ZFHX3: variants seen among roughly 807,000 people sequenced by gnomAD.
The protein encoded by ZFHX3 is zinc finger homeobox protein 3.
ZFHX3 carries 42 observed loss-of-function variants against 279.1 expected under a neutral mutation model. The ratio of observed to expected loss-of-function variants is 0.15; its 90% CI spans 0.12 to 0.19. The LOEUF (loss-of-function observed/expected upper bound fraction) is 0.19, where lower values mean the gene tolerates loss of function less well. Among genes scored for constraint, ZFHX3 ranks in the 10% least tolerant of loss-of-function variants. The pLI, the probability that ZFHX3 is intolerant of heterozygous loss-of-function variation, is 1.00. For synonymous variants in ZFHX3, 2,293 were observed against 1,957.8 expected (o/e 1.17, Z -4.52); for missense variants, 4,981 against 4,754.0 (o/e 1.05, Z -1.40).
At chr16:73,716,819 C>A (rs2053420813) in intron 1 of ZFHX3, among the ~76,000 whole-genome samples, 1 of 152,068 alleles carries the variant, frequency 6.6e-6, no homozygotes, top group Non-Finnish European at 1.5e-5. Context: ...ATAATAGGTA[C>A]AGAGATGCCT....
chr16:73,080,279 T>C (rs1034060201), intron 8 of ZFHX3, among the ~76,000 whole-genome samples: 12 of 152,214 alleles, frequency 7.9e-5, no homozygotes, highest in African/African-American at 2.9e-4. Flanking sequence ...GTGTGGCTCA[T>C]GGAGCTCCTA....
chr16:73,576,115 CA>C (rs961927038), intron 2 of ZFHX3, among the ~76,000 whole-genome samples: 6 of 152,056 alleles, frequency 3.9e-5, no homozygotes, highest in African/African-American at 1.4e-4. Context: ...GCATGGCACC[CA>C]CTGGGAAGAA....
chr16:73,218,323 C>T (rs1030793504), intron 5 of ZFHX3, among the ~76,000 whole-genome samples: 2 of 152,074 alleles, frequency 1.3e-5, no homozygotes, highest in Non-Finnish European at 1.5e-5. Context: ...AACAGAGATG[C>T]GATGATTAGT....
At chr16:73,611,071 G>T (rs1567532747) in intron 2 of ZFHX3, among the ~76,000 whole-genome samples, 1 of 152,206 alleles carries the variant, frequency 6.6e-6, no homozygotes, top group Non-Finnish European at 1.5e-5. Flanking sequence ...CATAAATCCA[G>T]ATTAAACCTT....
At chr16:73,041,863 G>T (rs1320551343) in intron 1 of ZFHX3, among the ~76,000 whole-genome samples, 1 of 152,240 alleles carries the variant, frequency 6.6e-6, no homozygotes, top group Admixed American at 6.5e-5. Context: ...ATTTTAGGAA[G>T]CAGGGCCTTA....
chr16:73,462,720 T>C lies in ZFHX3; in HGVS notation c.-1546-6462A>G, dbSNP rs150873356. Among the ~76,000 whole-genome samples, 100 of 152,298 alleles carry C rather than the reference T, an allele frequency of 6.6e-4. No individual in the cohort carries two copies. In the East Asian group the frequency reaches 0.019, roughly 29 times the overall value. ...CTGTTAATATGGTGGATTATATTGA[T>C]TGATTTTTCAATATCTAACCAGTCT... On this transcript the variant is annotated intron_variant, in intron 2 of 17. Transcript: ENST00000641206.
chr16:73,424,790 A>G (rs1175610724), intron 3 of ZFHX3, among the ~76,000 whole-genome samples: 1 of 151,630 alleles, frequency 6.6e-6, no homozygotes, highest in Non-Finnish European at 1.5e-5. Flanking sequence ...GAAAGAAAAG[A>G]AAAAAAAGAA....
intron 7 of ZFHX3, among the ~76,000 whole-genome samples, chr16:72,800,750 C>T (rs2036073752): frequency 6.6e-6 from 1 of 152,158 alleles, no homozygotes; most frequent in Non-Finnish European, 1.5e-5. Context: ...TTTTTTGTGA[C>T]TCACTTAAGC....
chr16:73,159,614 G>A (rs1474646245), intron 5 of ZFHX3, among the ~76,000 whole-genome samples: 1 of 152,116 alleles, frequency 6.6e-6, no homozygotes, highest in South Asian at 2.1e-4. Context: ...ACTCAGACTC[G>A]GAGAATGGCC....
At chr16:73,188,237 C>G (rs1967958502) in intron 5 of ZFHX3, among the ~76,000 whole-genome samples, 1 of 152,064 alleles carries the variant, frequency 6.6e-6, no homozygotes, top group South Asian at 2.1e-4. Flanking sequence ...CTCTGTCACC[C>G]AGGCTGGAGT....
chr16:73,365,406 C>T (rs570237339), intron 3 of ZFHX3, among the ~76,000 whole-genome samples: 1 of 152,316 alleles, frequency 6.6e-6, no homozygotes, highest in South Asian at 2.1e-4. Context: ...TGAGTCTAGA[C>T]ATTGCTGGGG....
intron 3 of ZFHX3, among the ~76,000 whole-genome samples, chr16:73,381,848 G>A (rs189024314): frequency 7.2e-5 from 11 of 152,296 alleles, no homozygotes; most frequent in Admixed American, 2.0e-4. Flanking sequence ...GTGACAGGCC[G>A]CATTCAAAGC....
chr16:73,066,907 G>A (rs376438755), intron 8 of ZFHX3, among the ~76,000 whole-genome samples: 6 of 152,200 alleles, frequency 3.9e-5, no homozygotes, highest in African/African-American at 1.4e-4. Flanking sequence ...TGAGAGCACT[G>A]AGATGGGGAC....
intron 1 of ZFHX3, among the ~76,000 whole-genome samples, chr16:73,883,907 T>C (rs2142416008): frequency 1.3e-5 from 2 of 152,210 alleles, no homozygotes; most frequent in Middle Eastern, 6.8e-3. Flanking sequence ...AGCTACAATT[T>C]TGATCAGAAG....
chr16:72,901,308 C>T (rs1349096096), intron 3 of ZFHX3, among the ~76,000 whole-genome samples: 1 of 152,190 alleles, frequency 6.6e-6, no homozygotes, highest in Non-Finnish European at 1.5e-5. Context: ...AAAACTCCTC[C>T]CATGCTCTTC....
intron 4 of ZFHX3, among the ~76,000 whole-genome samples, chr16:72,878,596 G>A (rs750495436): frequency 6.6e-5 from 10 of 152,242 alleles, no homozygotes; most frequent in Non-Finnish European, 1.2e-4. Flanking sequence ...TTTGCTCACC[G>A]CAGTCTTAGG....
chr16:73,381,003 G>T (rs993978892), intron 3 of ZFHX3, among the ~76,000 whole-genome samples: 5 of 152,024 alleles, frequency 3.3e-5, no homozygotes, highest in Non-Finnish European at 5.9e-5. Flanking sequence ...ATCTTCCTTA[G>T]AGTCTTCTTT....
At chr16:73,327,117 G>A (rs2015705825) in intron 3 of ZFHX3, among the ~76,000 whole-genome samples, 1 of 152,184 alleles carries the variant, frequency 6.6e-6, no homozygotes, top group South Asian at 2.1e-4. Flanking sequence ...GGGTCTTAAG[G>A]ATCAAACTAT....
chr16:73,770,088 T>A (rs1321314825), intron 1 of ZFHX3, among the ~76,000 whole-genome samples: 1 of 152,148 alleles, frequency 6.6e-6, no homozygotes, highest in Non-Finnish European at 1.5e-5. Flanking sequence ...AAAGGAGAAT[T>A]AAGGTGGCAG....
Sources: allele counts gnomAD v4.1 joint callset (sites outside exome capture counted in the v4.1 genomes callset), GRCh38; gene constraint gnomAD v4.1.1; transcripts MANE v1.5; gene names NCBI Gene and HGNC (gene_info 2026-07-23, HGNC 2026-07-21).